MAP2: variants seen among roughly 807,000 people sequenced by gnomAD.
MAP2 encodes the protein microtubule-associated protein 2.
In MAP2, 14 loss-of-function variants were observed where a neutral mutation model predicts 137.6. That is an observed-to-expected ratio of 0.10 (90% CI 0.07 to 0.16). The LOEUF (loss-of-function observed/expected upper bound fraction) is 0.16. Ranked by LOEUF, MAP2 falls within the 10% of genes least tolerant of loss-of-function variation. The pLI is 1.00. For synonymous variants in MAP2, 786 were observed against 782.3 expected, an observed-to-expected ratio of 1.00 and a Z score of -0.08; for missense variants, 2,088 against 2,191.5, an observed-to-expected ratio of 0.95 and a Z score of 0.94.
At chr2:209,491,229 A>G (rs1168048380) in intron 1 of MAP2, among the ~76,000 whole-genome samples, 3 of 152,206 alleles carry the variant, frequency 2.0e-5, no homozygotes, top group Non-Finnish European at 2.9e-5. Context: ...GCAGAAATCA[A>G]TAAGTTCTTT....
chr2:209,434,255 C>T (rs1020555871), intron 1 of MAP2, among the ~76,000 whole-genome samples: 10 of 151,904 alleles, frequency 6.6e-5, no homozygotes, highest in African/African-American at 1.4e-4. Context: ...ATTGTACTTT[C>T]GGCATGGTTC....
chr2:209,477,066 G>A (rs1044156274), intron 1 of MAP2, among the ~76,000 whole-genome samples: 3 of 152,156 alleles, frequency 2.0e-5, no homozygotes, highest in East Asian at 3.9e-4. Context: ...TAACATTCAA[G>A]TCCAGAGTTT....
intron 12 of MAP2, among the ~76,000 whole-genome samples, chr2:209,708,279 G>A (rs1260879124): frequency 6.6e-6 from 1 of 152,090 alleles, no homozygotes; most frequent in Non-Finnish European, 1.5e-5. Context: ...CTTGTGAAAA[G>A]CAATAAAAAT....
At chr2:209,428,449 G>T (rs1693198168) in intron 1 of MAP2, among the ~76,000 whole-genome samples, 1 of 142,310 alleles carries the variant, frequency 7.0e-6, no homozygotes, top group African/African-American at 2.6e-5. Context: ...CACATACCTT[G>T]ACTTTTTTCT....
At chr2:209,434,950 A>G (rs1695540579) in intron 1 of MAP2, among the ~76,000 whole-genome samples, 2 of 143,730 alleles carry the variant, frequency 1.4e-5, no homozygotes, top group Non-Finnish European at 3.1e-5. Context: ...TATGTGTTTT[A>G]TATATATAAA....
chr2:209,529,356 T>C (rs1292997210), intron 2 of MAP2, among the ~76,000 whole-genome samples: 1 of 152,174 alleles, frequency 6.6e-6, no homozygotes, highest in Non-Finnish European at 1.5e-5. Flanking sequence ...TGTACGTCAA[T>C]TAACATGAAT....
intron 1 of MAP2, among the ~76,000 whole-genome samples, chr2:209,435,331 A>C (rs2149332813): frequency 6.6e-6 from 1 of 151,956 alleles, no homozygotes; most frequent in South Asian, 2.1e-4. Flanking sequence ...TGTCATTGCC[A>C]TGTGCAGAAG....
intron 1 of MAP2, among the ~76,000 whole-genome samples, chr2:209,482,915 A>G (rs1343714988): frequency 6.6e-6 from 1 of 152,196 alleles, no homozygotes; most frequent in Non-Finnish European, 1.5e-5. Context: ...TTTTTATGAA[A>G]TATTACAGCC....
In MAP2 at chr2:209,533,177, G is replaced by A. The variant is rs190457931; in HGVS notation, c.-172+25536G>A. ...TTTTTTATTTTTGAGATGGGGTTTC[G>A]CTCATCACCCAGGCTGGAGTGCAAT... On this transcript the variant is annotated intron_variant, in intron 2 of 15. Transcript: ENST00000682079. 3.1e-3 allele frequency among the ~76,000 whole-genome samples: 463 copies of A among 151,228 alleles called. 5 individuals are homozygous for A. Among genetic ancestry groups the A allele is most frequent in the Non-Finnish European group, 2.9e-3 (194 of 67,842 alleles).
intron 1 of MAP2, among the ~76,000 whole-genome samples, chr2:209,482,684 A>G (rs140922882): frequency 6.6e-5 from 10 of 152,330 alleles, no homozygotes; most frequent in African/African-American, 2.4e-4. Context: ...CTAATGATGA[A>G]AAAACTGAGA....
intron 2 of MAP2, among the ~76,000 whole-genome samples, chr2:209,515,734 C>A (rs971491163): frequency 6.6e-6 from 1 of 152,054 alleles, no homozygotes. Flanking sequence ...CTATTGTCTT[C>A]ATTTTATGAA....
chr2:209,624,589 G>C (rs138770297), intron 3 of MAP2, among the ~76,000 whole-genome samples: 85 of 152,226 alleles, frequency 5.6e-4, no homozygotes, highest in African/African-American at 2.0e-3. Context: ...AATTTAATGA[G>C]TTGTTAAAAA....
At chr2:209,672,756 A>G (rs537611987) in intron 5 of MAP2, among the ~76,000 whole-genome samples, 1 of 152,042 alleles carries the variant, frequency 6.6e-6, no homozygotes, top group African/African-American at 2.4e-5. Flanking sequence ...ACAAGAAATG[A>G]AAGTGCCTAC....
At chr2:209,515,193 G>A (rs2062302998) in intron 2 of MAP2, among the ~76,000 whole-genome samples, 1 of 151,968 alleles carries the variant, frequency 6.6e-6, no homozygotes, top group African/African-American at 2.4e-5. Flanking sequence ...AGAAAACACT[G>A]AATGCATTAT....
intron 2 of MAP2, among the ~76,000 whole-genome samples, chr2:209,527,660 A>G (rs1002175136): frequency 1.1e-4 from 16 of 152,136 alleles, no homozygotes; most frequent in African/African-American, 3.9e-4. Flanking sequence ...GTGAGAGCTG[A>G]GCTCCTGATT....
chr2:209,678,603 C>A lies in MAP2; in HGVS notation c.294C>A (p.Val98=). ...EEVSARIVQV[V]TAEAVAVLKG... ...TGTCTGCAAGGATAGTTCAAGTAGT[C>A]ACTGCTGAGGCTGTAGCAGTCCTGA... Residue 98 remains valine (V), a synonymous_variant, in exon 6 of 16, where the codon GTC becomes GTA. Transcript: ENST00000682079. 6.2e-7 allele frequency: 1 copy of A among 1,600,316 alleles called. No homozygotes were observed. Among genetic ancestry groups the A allele is most frequent in the South Asian group, 1.1e-5 (1 of 89,110 alleles).
intron 1 of MAP2, among the ~76,000 whole-genome samples, chr2:209,455,941 G>A (rs1185073123): frequency 6.6e-6 from 1 of 152,004 alleles, no homozygotes; most frequent in Non-Finnish European, 1.5e-5. Flanking sequence ...TATTAAACAT[G>A]ATATCTACAC....
chr2:209,544,012 G>A (rs935003420), intron 2 of MAP2, among the ~76,000 whole-genome samples: 1 of 152,110 alleles, frequency 6.6e-6, no homozygotes, highest in Non-Finnish European at 1.5e-5. Flanking sequence ...GGCGGATCAC[G>A]AGGTCAGGAG....
rs760795168 is a variant in MAP2 at position 209,693,450 on chromosome 2, C to A, written c.1280C>A (p.Thr427Asn). The change falls in exon 8 of 16, where the codon ACC becomes AAC. Residue 427 changes from threonine to asparagine, a missense_variant. Thr to Asn is a moderately conservative substitution (Grantham distance 65). Around this residue, in one of 6 missense-constraint regions of MAP2, gnomAD observed 859 missense variants for 794.5 expected, o/e 1.08. Coordinates refer to ENST00000682079, the MANE Select transcript of MAP2 (RefSeq NM_001375505.1). Reference protein sequence around the residue: ...QETVQQRDTFTPSGQEPILTE... With the variant: ...QETVQQRDTFNPSGQEPILTE... ...ACTGTGCAGCAAAGGGATACTTTCACCCCCAGTGGACAGGAACCTATACTT... is the reference window on the plus strand; with the variant it reads ...ACTGTGCAGCAAAGGGATACTTTCAACCCCAGTGGACAGGAACCTATACTT... 2.5e-6 allele frequency: 4 copies of A among 1,613,850 alleles called. No homozygotes were observed. Among genetic ancestry groups the A allele is most frequent in the African/African-American group, 2.7e-5 (2 of 74,860 alleles).
Sources: allele counts gnomAD v4.1 joint callset (sites outside exome capture counted in the v4.1 genomes callset), GRCh38; gene constraint gnomAD v4.1.1; regional missense constraint gnomAD v4.1.1; transcripts MANE v1.5; gene names NCBI Gene and HGNC (gene_info 2026-07-23, HGNC 2026-07-21).